PINX1: variants seen among roughly 807,000 people sequenced by gnomAD.
The protein encoded by PINX1 is PIN2/TERF1-interacting telomerase inhibitor 1.
PINX1 carries 34 observed loss-of-function variants against 25.4 expected under a neutral mutation model. That is an observed-to-expected ratio of 1.34 (90% confidence interval 1.02 to 1.78). PINX1 has a LOEUF of 1.78. Among genes scored for constraint, PINX1 ranks in the 40% most tolerant of loss-of-function variants. The pLI, the probability that PINX1 is intolerant of heterozygous loss-of-function variation, is 0.00. For synonymous variants in PINX1, 197 were observed against 147.7 expected (o/e 1.33, Z -2.42); for missense variants, 592 against 404.9 (o/e 1.46, Z -3.97).
intron 4 of PINX1, among the ~76,000 whole-genome samples, 177 bp from the exon 5 acceptor site, chr8:10,826,421 A>G (rs566488029): frequency 6.6e-6 from 1 of 152,328 alleles, no homozygotes; most frequent in South Asian, 2.1e-4. Context: ...TCTTTCTAGG[A>G]GTCAAATGAT....
chr8:10,788,345 T>A (rs1563210496), intron 6 of PINX1, among the ~76,000 whole-genome samples: 1 of 152,180 alleles, frequency 6.6e-6, no homozygotes, highest in South Asian at 2.1e-4. Context: ...GCAGATCACA[T>A]GAGGCCAGGA....
intron 6 of PINX1, among the ~76,000 whole-genome samples, chr8:10,800,206 A>G (rs1301565300): frequency 6.6e-6 from 1 of 152,258 alleles, no homozygotes; most frequent in Non-Finnish European, 1.5e-5. Flanking sequence ...AGTCTGATGT[A>G]CAGCATTTGG....
intron 6 of PINX1, among the ~76,000 whole-genome samples, chr8:10,807,175 C>T (rs969191902): frequency 6.6e-6 from 1 of 152,116 alleles, no homozygotes; most frequent in African/African-American, 2.4e-5. Flanking sequence ...GGCCAAGGAA[C>T]ATACGGTTGT....
chr8:10,773,103 C>T (rs1801280893), intron 6 of PINX1, among the ~76,000 whole-genome samples: 1 of 152,100 alleles, frequency 6.6e-6, no homozygotes, highest in South Asian at 2.1e-4. Context: ...ACAATAGGTG[C>T]TAAGTAAATA....
chr8:10,782,944 T>A (rs1586146717), intron 6 of PINX1, among the ~76,000 whole-genome samples: 1 of 152,228 alleles, frequency 6.6e-6, no homozygotes, highest in African/African-American at 2.4e-5. Flanking sequence ...ATATTTATTC[T>A]GTCTTTCCTA....
At chr8:10,791,966 C>A (rs1482324263) in intron 6 of PINX1, among the ~76,000 whole-genome samples, 1 of 152,168 alleles carries the variant, frequency 6.6e-6, no homozygotes, top group Non-Finnish European at 1.5e-5. Flanking sequence ...ACAGAGGTGC[C>A]AGTTACACCT....
intron 6 of PINX1, among the ~76,000 whole-genome samples, chr8:10,800,086 A>G (rs12681375): frequency 0.057 from 8,614 of 152,284 alleles, 609 homozygotes; most frequent in East Asian, 0.3. Flanking sequence ...TGTTACTGCT[A>G]GTCTTTAGGA....
At chr8:10,805,319 C>G (rs1359575574) in intron 6 of PINX1, among the ~76,000 whole-genome samples, 1 of 152,250 alleles carries the variant, frequency 6.6e-6, no homozygotes, top group African/African-American at 2.4e-5. Flanking sequence ...TATGGAGGTT[C>G]AGAGCACTTT....
At chr8:10,799,494 G>T (rs1259358056) in intron 6 of PINX1, among the ~76,000 whole-genome samples, 1 of 152,186 alleles carries the variant, frequency 6.6e-6, no homozygotes, top group Non-Finnish European at 1.5e-5. Context: ...TGCCACCAAA[G>T]ATTCCAGTTC....
intron 6 of PINX1, among the ~76,000 whole-genome samples, chr8:10,803,373 C>T (rs145484426): frequency 4.6e-5 from 7 of 152,306 alleles, no homozygotes; most frequent in South Asian, 4.1e-4. Flanking sequence ...AGTTTCCTCA[C>T]CAGCTCATGG....
intron 6 of PINX1, chr8:10,771,282 C>T (rs958867933): frequency 1.3e-5 from 2 of 152,254 alleles, no homozygotes; most frequent in African/African-American, 4.8e-5. Context: ...ACTCCTCCAA[C>T]AGAAGGGGCA....
At chr8:10,780,662 G>A (rs1801558213) in intron 6 of PINX1, among the ~76,000 whole-genome samples, 1 of 151,830 alleles carries the variant, frequency 6.6e-6, no homozygotes, top group African/African-American at 2.4e-5. Context: ...AACATAGGAG[G>A]TAAAAGACCT....
chr8:10,813,066 A>G (rs1448197216), intron 6 of PINX1, among the ~76,000 whole-genome samples: 1 of 152,256 alleles, frequency 6.6e-6, no homozygotes, highest in Admixed American at 6.5e-5. Context: ...GGATTCTGTT[A>G]TCAATGGTCA....
intron 1 of PINX1, among the ~76,000 whole-genome samples, chr8:10,835,446 A>G (rs547320608): frequency 6.6e-6 from 1 of 152,342 alleles, no homozygotes; most frequent in Non-Finnish European, 1.5e-5. Context: ...TACAATAGTC[A>G]TTATGCTCTT....
At chr8:10,839,183 G>A (rs574226920) in intron 1 of PINX1, among the ~76,000 whole-genome samples, 32 of 152,200 alleles carry the variant, frequency 2.1e-4, no homozygotes, top group African/African-American at 6.5e-4. Flanking sequence ...ACGGGGCGCT[G>A]TGGCCAACTA....
chr8:10,773,232 A>G (rs1801285498), intron 6 of PINX1, among the ~76,000 whole-genome samples: 2 of 152,180 alleles, frequency 1.3e-5, no homozygotes, highest in African/African-American at 4.8e-5. Flanking sequence ...ATATACACAC[A>G]TGTACATATA....
chr8:10,798,389 G>T (rs1269989705), intron 6 of PINX1, among the ~76,000 whole-genome samples: 1 of 152,236 alleles, frequency 6.6e-6, no homozygotes, highest in Non-Finnish European at 1.5e-5. Context: ...AAATCAGAAT[G>T]AGACTGTGGC....
chr8:10,816,430 G>A (rs1318804820), intron 6 of PINX1, among the ~76,000 whole-genome samples: 1 of 152,158 alleles, frequency 6.6e-6, no homozygotes, highest in Non-Finnish European at 1.5e-5. Flanking sequence ...TCAATAGAGA[G>A]ACGAAAAAAT....
intron 5 of PINX1, among the ~76,000 whole-genome samples, chr8:10,824,975 G>A (rs1432729557): frequency 6.6e-6 from 1 of 152,206 alleles, no homozygotes; most frequent in Non-Finnish European, 1.5e-5. Flanking sequence ...ACCCCAGTCA[G>A]AAGGGATACG....
Sources: allele counts gnomAD v4.1 joint callset (sites outside exome capture counted in the v4.1 genomes callset), GRCh38; gene constraint gnomAD v4.1.1; transcripts MANE v1.5; gene names NCBI Gene and HGNC (gene_info 2026-07-23, HGNC 2026-07-21).